The following AFAP1 variants were observed in gnomAD, a reference collection of about 807,000 sequenced individuals.
AFAP1 encodes actin filament-associated protein 1.
AFAP1 carries 75 observed loss-of-function variants against 93.9 expected under a neutral mutation model. The observed-to-expected ratio is 0.80, with a 90% CI of 0.66 to 0.97. The LOEUF (loss-of-function observed/expected upper bound fraction) is 0.97, where lower values mean the gene tolerates loss of function less well. Ranked by LOEUF, AFAP1 falls within the 50% of genes least tolerant of loss-of-function variation. AFAP1 has a pLI of 0.00. For synonymous variants in AFAP1, 517 were observed against 430.7 expected, an observed-to-expected ratio of 1.20 and a Z score of -2.48; for missense variants, 1,201 against 1,050.8, an observed-to-expected ratio of 1.14 and a Z score of -1.98.
At position 7,904,926 on chromosome 4, in the gene AFAP1, C is replaced by T. The variant is rs1410552623; in HGVS notation, c.-2-32846G>A. Among the ~76,000 whole-genome samples the T allele has an allele frequency of 2.6e-5, 4 of 151,992 alleles. No homozygotes were observed. The East Asian group carries it at 7.7e-4, about 29-fold the overall frequency. On this transcript the variant is annotated intron_variant, in intron 1 of 17. Transcript: ENST00000420658. Reference sequence around the variant, plus strand: ...GTTTTGCTATGTTGCCCAGACTGGTCCCGAACTCTGGGCTCAAGCGATCCT... The same window carrying T: ...GTTTTGCTATGTTGCCCAGACTGGTTCCGAACTCTGGGCTCAAGCGATCCT...
chr4:7,849,279 G>A (rs1424678233), intron 4 of AFAP1, among the ~76,000 whole-genome samples: 2 of 152,076 alleles, frequency 1.3e-5, no homozygotes, highest in African/African-American at 4.8e-5. Context: ...TCTAGGGCAG[G>A]AGCTGTGGCC....
intron 1 of AFAP1, among the ~76,000 whole-genome samples, chr4:7,917,297 G>C (rs1000797571): frequency 1.3e-5 from 2 of 152,134 alleles, no homozygotes; most frequent in Non-Finnish European, 2.9e-5. Context: ...GTAGACTGCT[G>C]AGTGGGGGTA....
At chr4:7,840,237 G>C (rs907427942) in intron 5 of AFAP1, among the ~76,000 whole-genome samples, 10 of 147,538 alleles carry the variant, frequency 6.8e-5, no homozygotes, top group Non-Finnish European at 1.5e-4. Flanking sequence ...GTGATTTCTA[G>C]AGTCCTTTCT....
intron 6 of AFAP1, among the ~76,000 whole-genome samples, chr4:7,833,042 T>C (rs917122484): frequency 2.6e-5 from 4 of 152,170 alleles, no homozygotes; most frequent in African/African-American, 9.7e-5. Context: ...CCTGAAACTA[T>C]AAAAATTCTA....
chr4:7,793,481 C>T (rs2149010435), intron 11 of AFAP1, among the ~76,000 whole-genome samples, 200 bp downstream of exon 11: 1 of 152,328 alleles, frequency 6.6e-6, no homozygotes, highest in Middle Eastern at 3.4e-3. Flanking sequence ...GCAAGTTTGC[C>T]ACACGCTGCT....
rs1353592171 is a variant in AFAP1, at chr4:7,816,041, G to T, written c.881C>A (p.Thr294Asn). ...ACCTTGCTCCTTTCCATTACATGTG[G>T]TAATTCCATTTTCCACAACACCCTC... is the stretch of plus-strand genomic sequence containing the variant. ...DGEGVVENGI[T>N]TCNGKEQVKR... The change falls in exon 8 of 18, where the codon ACC (threonine) becomes AAC (asparagine). Residue 294 changes from threonine to asparagine, a missense_variant. By Grantham distance (65) the Thr-to-Asn change is moderately conservative (BLOSUM62 0). Transcript: ENST00000420658. The T allele has an allele frequency of 1.9e-6, 3 of 1,612,650 alleles. No individual in the cohort carries two copies. The highest frequency in any genetic ancestry group is 8.5e-7 in the Non-Finnish European group (1 of 1,179,610).
At chr4:7,838,823 G>A in intron 5 of AFAP1, 120 bp from the exon 6 acceptor site, 3 of 1,008,948 alleles carry the variant, frequency 3.0e-6, no homozygotes, top group Admixed American at 4.3e-5. Flanking sequence ...TGAATCTGCA[G>A]ATGAGCAGGT....
intron 3 of AFAP1, among the ~76,000 whole-genome samples, chr4:7,866,681 CT>C (rs768494095): frequency 1.2e-4 from 19 of 152,172 alleles, no homozygotes; most frequent in Non-Finnish European, 2.2e-4. Flanking sequence ...TCCCATCTAG[CT>C]CTTCATCTTT....
intron 6 of AFAP1, among the ~76,000 whole-genome samples, chr4:7,821,308 G>A (rs1720953595): frequency 6.6e-6 from 1 of 152,192 alleles, no homozygotes. Context: ...TGTGGCACGT[G>A]TACATTCAAA....
intron 1 of AFAP1, among the ~76,000 whole-genome samples, chr4:7,884,224 G>A (rs774650686): frequency 6.6e-6 from 1 of 152,126 alleles, no homozygotes; most frequent in Non-Finnish European, 1.5e-5. Context: ...GCAAATGTCG[G>A]CACCATGCTT....
intron 4 of AFAP1, 115 bp downstream of exon 4, chr4:7,855,351 T>C (rs866281131): frequency 1.7e-5 from 13 of 769,226 alleles, no homozygotes; most frequent in Middle Eastern, 7.4e-4. Context: ...AAAAAGTACT[T>C]GGCCCACAGT....
At chr4:7,772,620 G>C (rs1715589526) in intron 16 of AFAP1, 200 bp downstream of exon 16, 1 of 571,888 alleles carries the variant, frequency 1.7e-6, no homozygotes, top group African/African-American at 1.9e-5. Context: ...ATTTCAGCGA[G>C]AGGTGAGAAA....
At chr4:7,767,640 C>T (rs561257110) in intron 17 of AFAP1, among the ~76,000 whole-genome samples, 108 of 152,272 alleles carry the variant, frequency 7.1e-4, no homozygotes, top group East Asian at 2.3e-3. Flanking sequence ...CTATGGAGGA[C>T]CACTGTTCTG....
chr4:7,908,312 T>C (rs1719543358), intron 1 of AFAP1, among the ~76,000 whole-genome samples: 1 of 152,240 alleles, frequency 6.6e-6, no homozygotes, highest in Non-Finnish European at 1.5e-5. Context: ...GGTGCCCCTT[T>C]ATCTTAATAC....
intron 2 of AFAP1, among the ~76,000 whole-genome samples, chr4:7,869,677 T>C (rs1716849058): frequency 6.6e-6 from 1 of 152,078 alleles, no homozygotes; most frequent in African/African-American, 2.4e-5. Flanking sequence ...GAAAGGCCTG[T>C]AAAAATACTG....
chr4:7,835,509 A>C (rs1201318058), intron 6 of AFAP1, among the ~76,000 whole-genome samples: 8 of 30,190 alleles, frequency 2.6e-4, no homozygotes, highest in Admixed American at 2.7e-4. Flanking sequence ...GGCTGCCTTA[A>C]GGTTACCTGG....
At chr4:7,845,904 A>C (rs1290933862) in intron 4 of AFAP1, among the ~76,000 whole-genome samples, 2 of 152,138 alleles carry the variant, frequency 1.3e-5, no homozygotes, top group Non-Finnish European at 1.5e-5. Context: ...AGATCTTTAC[A>C]ATCTAGGGCA....
intron 3 of AFAP1, among the ~76,000 whole-genome samples, chr4:7,865,117 G>C (rs761469332): frequency 5.3e-4 from 80 of 152,250 alleles, no homozygotes; most frequent in Middle Eastern, 3.4e-3. Flanking sequence ...AAATTACAAA[G>C]TAATCATATG....
chr4:7,925,832 C>T (rs927021253), intron 1 of AFAP1, among the ~76,000 whole-genome samples: 7 of 132,850 alleles, frequency 5.3e-5, no homozygotes, highest in East Asian at 2.2e-4. Context: ...GCAATAAGAG[C>T]GAAACTCTGT....
Sources: gnomAD v4.1 joint callset for allele counts (sites outside exome capture counted in the v4.1 genomes callset) on GRCh38, gnomAD v4.1.1 for gene constraint, MANE v1.5 for transcripts, NCBI Gene and HGNC (gene_info 2026-07-23, HGNC 2026-07-21) for gene names.